SYNDIG1: variants seen among roughly 807,000 people sequenced by gnomAD.
SYNDIG1 encodes synapse differentiation inducing 1, also known as synapse differentiation-inducing gene protein 1.
A neutral mutation model predicts 19.4 loss-of-function variants in SYNDIG1; 9 were observed. The ratio of observed to expected loss-of-function variants is 0.46; its 90% CI spans 0.28 to 0.81. The LOEUF (loss-of-function observed/expected upper bound fraction) is 0.81. Ranked by LOEUF, SYNDIG1 falls within the 30% of genes least tolerant of loss-of-function variation. The probability of loss-of-function intolerance (pLI) is 0.12; values close to 1 mark genes in which losing one functional copy is unlikely to be tolerated. For synonymous variants in SYNDIG1, 141 were observed against 145.9 expected, an observed-to-expected ratio of 0.97 and a Z score of 0.24; for missense variants, 311 against 343.3, an observed-to-expected ratio of 0.91 and a Z score of 0.74.
rs34436263 is a variant in SYNDIG1 at position 24,508,218 on chromosome 20, A to ATTTTTTTTT, written c.-78-34782_-78-34774dup. ...TGGAAAATTAAAATTAAGGAGGATA[A>ATTTTTTTTT]TTTTTTTTTTTTTTTTTTTTTTTTT... On this transcript the variant is annotated intron_variant, in intron 1 of 3. Coordinates refer to ENST00000376862, the MANE Select transcript of SYNDIG1 (RefSeq NM_024893.3). 1.1e-3 allele frequency among the ~76,000 whole-genome samples: 79 copies of ATTTTTTTTT among 73,240 alleles called. 16 individuals carry two copies. Among genetic ancestry groups the ATTTTTTTTT allele is most frequent in the African/African-American group, 1.9e-3 (32 of 16,528 alleles). The allele number at this position is 73,240 out of a possible 152,430, so 48.0% of individuals were successfully genotyped here.
intron 1 of SYNDIG1, among the ~76,000 whole-genome samples, chr20:24,517,290 T>TA (rs1165221085): frequency 1.3e-5 from 2 of 149,952 alleles, no homozygotes; most frequent in Non-Finnish European, 3.0e-5. Flanking sequence ...CCCTAGAACT[T>TA]AAAGTATAAT....
At chr20:24,475,852 G>A (rs1447425336) in intron 1 of SYNDIG1, among the ~76,000 whole-genome samples, 1 of 151,564 alleles carries the variant, frequency 6.6e-6, no homozygotes, top group Non-Finnish European at 1.5e-5. Flanking sequence ...GCTAATTAAT[G>A]TGCATAGTAT....
At chr20:24,579,758 C>A (rs868538548) in intron 2 of SYNDIG1, among the ~76,000 whole-genome samples, 34 of 152,126 alleles carry the variant, frequency 2.2e-4, no homozygotes, top group Admixed American at 6.5e-4. Flanking sequence ...TTGGATGGTG[C>A]GTGAGATGCT....
intron 1 of SYNDIG1, among the ~76,000 whole-genome samples, chr20:24,541,185 T>G (rs2057460765): frequency 6.6e-6 from 1 of 152,242 alleles, no homozygotes; most frequent in African/African-American, 2.4e-5. Flanking sequence ...AAACTAGGGC[T>G]GAATCTCTGG....
chr20:24,509,596 T>C (rs532421812), intron 1 of SYNDIG1, among the ~76,000 whole-genome samples: 1 of 152,330 alleles, frequency 6.6e-6, no homozygotes, highest in Admixed American at 6.5e-5. Flanking sequence ...CATTTTTACT[T>C]TGTCTGATCA....
intron 1 of SYNDIG1, among the ~76,000 whole-genome samples, chr20:24,505,283 G>A (rs1394538857): frequency 6.6e-6 from 1 of 152,166 alleles, no homozygotes; most frequent in Non-Finnish European, 1.5e-5. Flanking sequence ...AGCCAGGGGA[G>A]CCCTGGGGAA....
chr20:24,488,362 G>A (rs1298689805), intron 1 of SYNDIG1, among the ~76,000 whole-genome samples: 2 of 152,238 alleles, frequency 1.3e-5, no homozygotes, highest in African/African-American at 4.8e-5. Flanking sequence ...CACATACAAA[G>A]TGCTTCGCCC....
At chr20:24,484,414 G>A (rs2055899295) in intron 1 of SYNDIG1, among the ~76,000 whole-genome samples, 2 of 152,180 alleles carry the variant, frequency 1.3e-5, no homozygotes, top group Admixed American at 6.5e-5. Flanking sequence ...TAAAAGGAAG[G>A]TCAAGGCTCC....
At chr20:24,575,340 G>A (rs2058210877) in intron 2 of SYNDIG1, among the ~76,000 whole-genome samples, 2 of 152,194 alleles carry the variant, frequency 1.3e-5, no homozygotes. Flanking sequence ...GGCAGGTCTG[G>A]TCAGCTTCAA....
chr20:24,484,110 G>T (rs1012559177), intron 1 of SYNDIG1, among the ~76,000 whole-genome samples: 5 of 152,126 alleles, frequency 3.3e-5, no homozygotes, highest in African/African-American at 1.2e-4. Context: ...AACAGATGGG[G>T]TCAGACGAAT....
intron 3 of SYNDIG1, among the ~76,000 whole-genome samples, chr20:24,604,055 A>AT (rs1260998799): frequency 2.0e-5 from 3 of 152,008 alleles, no homozygotes; most frequent in Admixed American, 2.0e-4. Flanking sequence ...AAAACAAACA[A>AT]CATTTTCATG....
chr20:24,568,369 C>G (rs892144820), intron 2 of SYNDIG1, among the ~76,000 whole-genome samples: 4 of 152,144 alleles, frequency 2.6e-5, no homozygotes, highest in Non-Finnish European at 5.9e-5. Flanking sequence ...GGAGTTGTCC[C>G]CTTGTAGCAG....
chr20:24,549,515 A>G (rs6049781), intron 2 of SYNDIG1, among the ~76,000 whole-genome samples: 95,387 of 152,008 alleles, frequency 0.63, 30,438 homozygotes, highest in African/African-American at 0.74. Flanking sequence ...AACCCCTTGC[A>G]GGACTGGAGC....
At chr20:24,583,058 A>G (rs1441874747) in intron 2 of SYNDIG1, among the ~76,000 whole-genome samples, 1 of 152,234 alleles carries the variant, frequency 6.6e-6, no homozygotes, top group Non-Finnish European at 1.5e-5. Flanking sequence ...AATATGCCGT[A>G]CCAGGGAGCC....
chr20:24,529,464 CACA>C (rs2057196515), intron 1 of SYNDIG1, among the ~76,000 whole-genome samples: 1 of 152,098 alleles, frequency 6.6e-6, no homozygotes, highest in African/African-American at 2.4e-5. Flanking sequence ...TGGTCTCTGT[CACA>C]ACTGCTCAAC....
chr20:24,470,668 C>G (rs916385427), intron 1 of SYNDIG1, among the ~76,000 whole-genome samples: 3 of 152,170 alleles, frequency 2.0e-5, no homozygotes, highest in Non-Finnish European at 4.4e-5. Flanking sequence ...TTTGCAAGAC[C>G]CTACTAGAGT....
chr20:24,599,333 A>G (rs910281821), intron 3 of SYNDIG1, among the ~76,000 whole-genome samples: 7 of 152,204 alleles, frequency 4.6e-5, no homozygotes, highest in Non-Finnish European at 8.8e-5. Flanking sequence ...AAGACAAAAT[A>G]ACAGATGTTG....
chr20:24,631,267 G>T (rs1039393957), intron 3 of SYNDIG1, among the ~76,000 whole-genome samples: 3 of 152,198 alleles, frequency 2.0e-5, no homozygotes, highest in Non-Finnish European at 4.4e-5. Context: ...CCGTGGCCTG[G>T]CATCTTCCCT....
intron 2 of SYNDIG1, among the ~76,000 whole-genome samples, chr20:24,543,900 T>C (rs1568627855): frequency 6.6e-6 from 1 of 152,068 alleles, no homozygotes; most frequent in South Asian, 2.1e-4. Context: ...AGAGAGGTCA[T>C]TGACAAGATG....
Sources: allele counts gnomAD v4.1 joint callset (sites outside exome capture counted in the v4.1 genomes callset), GRCh38; gene constraint gnomAD v4.1.1; transcripts MANE v1.5; gene names NCBI Gene and HGNC (gene_info 2026-07-23, HGNC 2026-07-21).